The following SMARCA2 variants were observed in gnomAD, a reference collection of about 807,000 sequenced individuals.
The protein encoded by SMARCA2 is SWI/SNF related BAF chromatin remodeling complex subunit ATPase 2.
Under a neutral mutation model 199.8 loss-of-function variants are expected in SMARCA2, and 61 were observed. That is an observed-to-expected ratio of 0.31 (90% CI 0.25 to 0.38). The LOEUF is 0.38. Among genes scored for constraint, SMARCA2 ranks in the 10% least tolerant of loss-of-function variants. The probability of loss-of-function intolerance (pLI) is 1.00; values close to 1 mark genes in which losing one functional copy is unlikely to be tolerated. For missense variants in SMARCA2, 1,344 were observed against 2,012.2 expected (o/e 0.67, Z 6.35); for synonymous variants, 935 against 732.0 (o/e 1.28, Z -4.48).
At chr9:2,107,201 G>C (rs1370199715) in intron 23 of SMARCA2, among the ~76,000 whole-genome samples, 2 of 152,076 alleles carry the variant, frequency 1.3e-5, no homozygotes, top group Non-Finnish European at 2.9e-5. Context: ...TGACAGAAAG[G>C]GTTTTCTAGC....
At chr9:2,176,280 C>A (rs958904004) in intron 29 of SMARCA2, among the ~76,000 whole-genome samples, 5 of 150,320 alleles carry the variant, frequency 3.3e-5, no homozygotes, top group African/African-American at 1.2e-4. Context: ...TTGTTCTTTC[C>A]ACAACTGTTA....
intron 27 of SMARCA2, among the ~76,000 whole-genome samples, chr9:2,132,077 G>A (rs1823986567): frequency 6.6e-6 from 1 of 152,100 alleles, no homozygotes; most frequent in Non-Finnish European, 1.5e-5. Flanking sequence ...TCTCTGAGTT[G>A]GCCTCTCATC....
Position 2,039,012 on chromosome 9 carries a change from A to C in SMARCA2, c.356-454A>C, listed in dbSNP as rs1819457521. Among the ~76,000 whole-genome samples, 1 of 152,206 alleles carries C rather than the reference A, an allele frequency of 6.6e-6. No individual in the cohort carries two copies. Among genetic ancestry groups the C allele is most frequent in the Non-Finnish European group, 1.5e-5 (1 of 68,034 alleles). On this transcript the variant is annotated intron_variant, in intron 3 of 33. Transcript: ENST00000349721. This position sits in a 1 kb window ranked among gnomAD's most constrained non-coding sequence, Gnocchi z 4.8. ...TGTCCCTTGGTTAGTGGTGAACAAC[A>C]ACCACTAACGGTTTACCTTCTAGGA... is the stretch of plus-strand genomic sequence containing the variant.
In SMARCA2 at chr9:2,178,078, T is replaced by C. The variant is rs966377940; in HGVS notation, c.4254-3493T>C. On this transcript the variant is annotated intron_variant, in intron 29 of 33. Coordinates refer to ENST00000349721, the MANE Select transcript of SMARCA2 (RefSeq NM_003070.5). Reference sequence around the variant, plus strand: ...AAATTAAATCTCAGTAGTGTGTGTATATAAGCCATGCATACAAGGAGTTCA... The same window carrying C: ...AAATTAAATCTCAGTAGTGTGTGTACATAAGCCATGCATACAAGGAGTTCA... 8.6e-5 allele frequency among the ~76,000 whole-genome samples: 5 copies of C among 58,152 alleles called. No individual in the cohort carries two copies. In the Admixed American group the frequency reaches 1.1e-3, roughly 13 times the overall value. The allele number at this position is 58,152 out of a possible 152,430, so 38.1% of individuals were successfully genotyped here.
In SMARCA2 at chr9:2,186,194, G is replaced by A. The variant is rs1827439406; in HGVS notation, c.4560G>A (p.Glu1520=). The A allele has an allele frequency of 6.2e-7, 1 of 1,613,890 alleles. No individual in the cohort carries two copies. The highest frequency in any genetic ancestry group is 1.1e-5 in the South Asian group (1 of 91,072). Residue 1520 remains glutamate (E), a synonymous_variant, in exon 32 of 34, where the codon GAG becomes GAA. Transcript: ENST00000349721. Reference sequence around the variant, plus strand: ...GTGAGGATGAAAGCAATGAAGAGGAGGAAGAGGAAGATGAAGAAGAGTCAG... The same window carrying A: ...GTGAGGATGAAAGCAATGAAGAGGAAGAAGAGGAAGATGAAGAAGAGTCAG... ...EESEDESNEE[E]EEEDEEESES...
chr9:2,018,681 G>C (rs558930486), intron 1 of SMARCA2, among the ~76,000 whole-genome samples: 1 of 152,326 alleles, frequency 6.6e-6, no homozygotes, highest in South Asian at 2.1e-4. Context: ...TGAGATTGTT[G>C]CTTGGGCGTT....
chr9:2,019,552 C>A (rs1378064595), intron 1 of SMARCA2, among the ~76,000 whole-genome samples: 4 of 148,944 alleles, frequency 2.7e-5, no homozygotes, highest in Non-Finnish European at 4.4e-5. Context: ...TGCTTGAATT[C>A]TATTTAAAGT....
intron 9 of SMARCA2, among the ~76,000 whole-genome samples, chr9:2,067,055 T>C (rs966638433): frequency 2.6e-5 from 4 of 152,214 alleles, no homozygotes; most frequent in Non-Finnish European, 5.9e-5. Flanking sequence ...GAGGAGTTGA[T>C]ATCTCTTGTC....
intron 14 of SMARCA2, among the ~76,000 whole-genome samples, chr9:2,078,159 C>T (rs755156359): frequency 1.3e-5 from 2 of 152,174 alleles, no homozygotes; most frequent in African/African-American, 4.8e-5. Flanking sequence ...TAGCTGTCTA[C>T]TACATTTATG....
intron 29 of SMARCA2, among the ~76,000 whole-genome samples, chr9:2,174,084 A>C (rs1393119219): frequency 6.6e-6 from 1 of 152,168 alleles, no homozygotes; most frequent in African/African-American, 2.4e-5. Context: ...GCCCACAAAT[A>C]AACTTAGTCC....
chr9:2,162,072 A>AT (rs1462976900), intron 28 of SMARCA2, among the ~76,000 whole-genome samples, 169 bp downstream of exon 28: 7 of 152,138 alleles, frequency 4.6e-5, no homozygotes, highest in Admixed American at 4.6e-4. Flanking sequence ...CACTGTTGCT[A>AT]TTTTGTATGA....
chr9:2,056,619 C>T lies in SMARCA2; in HGVS notation c.1174-53C>T. The T allele has an allele frequency of 6.4e-7, 1 of 1,551,636 alleles. No individual in the cohort carries two copies. ...ATGCAACCGCGAGAAGGCCAGAGTTCAGGAACCTAGCTTCTGTTAGGGAAG... is the reference window on the plus strand; with the variant it reads ...ATGCAACCGCGAGAAGGCCAGAGTTTAGGAACCTAGCTTCTGTTAGGGAAG... On this transcript the variant is annotated intron_variant, in intron 6 of 33. Coordinates refer to ENST00000349721, the MANE Select transcript of SMARCA2 (RefSeq NM_003070.5). The surrounding 1 kb of genome is among the most constrained non-coding windows in gnomAD (Gnocchi z 4.0).
intron 5 of SMARCA2, among the ~76,000 whole-genome samples, chr9:2,048,524 A>G (rs1245770865): frequency 6.6e-6 from 1 of 152,226 alleles, no homozygotes; most frequent in Non-Finnish European, 1.5e-5. Flanking sequence ...GTTGGTAAAC[A>G]GTGTCTGGGC....
chr9:2,125,835 C>CAT (rs1337836422), intron 27 of SMARCA2, among the ~76,000 whole-genome samples: 3 of 152,138 alleles, frequency 2.0e-5, no homozygotes, highest in Non-Finnish European at 4.4e-5. Flanking sequence ...ACTCTCCAGA[C>CAT]ATTAAAAGCA....
chr9:2,099,998 A>C (rs1822440218), intron 21 of SMARCA2, among the ~76,000 whole-genome samples: 1 of 152,184 alleles, frequency 6.6e-6, no homozygotes, highest in Non-Finnish European at 1.5e-5. Flanking sequence ...TAATTTTGCC[A>C]CAGGGCTGGA....
intron 26 of SMARCA2, among the ~76,000 whole-genome samples, chr9:2,120,139 T>G (rs1392860671): frequency 6.6e-6 from 1 of 152,236 alleles, no homozygotes; most frequent in African/African-American, 2.4e-5. Context: ...AGCCTTCATT[T>G]AAGGATCAAA....
At chr9:2,142,259 T>C (rs770945153) in intron 27 of SMARCA2, among the ~76,000 whole-genome samples, 1 of 152,224 alleles carries the variant, frequency 6.6e-6, no homozygotes, top group Non-Finnish European at 1.5e-5. Context: ...AAGTTTTTAA[T>C]TGGCTTTTCC....
chr9:2,154,386 C>T (rs1462062438), intron 27 of SMARCA2, among the ~76,000 whole-genome samples: 1 of 152,144 alleles, frequency 6.6e-6, no homozygotes, highest in Non-Finnish European at 1.5e-5. Context: ...ATTAGACAGC[C>T]TCAAACTACT....
intron 29 of SMARCA2, among the ~76,000 whole-genome samples, chr9:2,179,397 G>C (rs1456693818): frequency 6.6e-6 from 1 of 152,242 alleles, no homozygotes; most frequent in Non-Finnish European, 1.5e-5. Flanking sequence ...AAAAAAGAAA[G>C]TGGGATAGGT....
Sources: allele counts gnomAD v4.1 joint callset (sites outside exome capture counted in the v4.1 genomes callset), GRCh38; gene constraint gnomAD v4.1.1; non-coding constraint Gnocchi (gnomAD v3.1); transcripts MANE v1.5; gene names NCBI Gene and HGNC (gene_info 2026-07-23, HGNC 2026-07-21).